Variants in SORBS2 observed in about 807,000 individuals in gnomAD.
The protein encoded by SORBS2 is sorbin and SH3 domain-containing protein 2.
A neutral mutation model predicts 97.7 loss-of-function variants in SORBS2; 46 were observed. That is an observed-to-expected ratio of 0.47 (90% confidence interval 0.37 to 0.60). The LOEUF is 0.60. Among genes scored for constraint, SORBS2 ranks in the 20% least tolerant of loss-of-function variants. The pLI, the probability that SORBS2 is intolerant of heterozygous loss-of-function variation, is 0.00. For missense variants in SORBS2, 1,316 were observed against 1,282.3 expected, an observed-to-expected ratio of 1.03 and a Z score of -0.40; for synonymous variants, 476 against 473.4, an observed-to-expected ratio of 1.01 and a Z score of -0.07.
intron 1 of SORBS2, among the ~76,000 whole-genome samples, chr4:185,779,976 G>A (rs2099019328): frequency 6.7e-6 from 1 of 148,472 alleles, no homozygotes; most frequent in Non-Finnish European, 1.5e-5. Flanking sequence ...CACATTGTAA[G>A]CAAAATGAAG....
intron 1 of SORBS2, among the ~76,000 whole-genome samples, chr4:185,873,881 CTAAA>C (rs911174305): frequency 2.0e-5 from 3 of 152,022 alleles, no homozygotes; most frequent in Non-Finnish European, 4.4e-5. Flanking sequence ...CCAATATAAA[CTAAA>C]TAATGTGATT....
intron 1 of SORBS2, chr4:185,656,479 C>T: frequency 2.5e-6 from 1 of 401,734 alleles, no homozygotes; most frequent in Non-Finnish European, 4.4e-6. Flanking sequence ...CCATTCTTTG[C>T]CTCTATCCCT....
In SORBS2 at chr4:185,606,642, G is replaced by A. The variant is rs1357969348; in HGVS notation, c.2796+5138C>T. ...CCTTGGGGGTCCTAGGATCTGTGGG[G>A]GTGGCTATGGGGTGTTTTAGGCAGT... On this transcript the variant is annotated intron_variant, in intron 12 of 14. Transcript: ENST00000418609. The surrounding 1 kb of genome is among the most constrained non-coding windows in gnomAD (Gnocchi z 4.3). The A allele has an allele frequency of 1.0e-6, 1 of 985,162 alleles. No individual in the cohort carries two copies. Among genetic ancestry groups the A allele is most frequent in the Non-Finnish European group, 1.2e-6 (1 of 829,860 alleles). The allele number at this position is 985,162 out of a possible 1,614,324, so 61.0% of individuals were successfully genotyped here.
chr4:185,871,473 C>T (rs937453653), intron 1 of SORBS2, among the ~76,000 whole-genome samples: 9 of 152,092 alleles, frequency 5.9e-5, no homozygotes, highest in South Asian at 2.1e-4. Flanking sequence ...TAATGCCTAG[C>T]GAAGGAATAA....
intron 1 of SORBS2, among the ~76,000 whole-genome samples, chr4:185,778,615 C>A (rs2099011967): frequency 6.6e-6 from 1 of 152,120 alleles, no homozygotes; most frequent in East Asian, 1.9e-4. Context: ...AGTACCCCGG[C>A]CCCGCCCCTA....
chr4:185,888,798 A>G (rs1464995438), intron 1 of SORBS2, among the ~76,000 whole-genome samples: 2 of 151,652 alleles, frequency 1.3e-5, no homozygotes, highest in Non-Finnish European at 2.9e-5. Flanking sequence ...CCTCCTCTGA[A>G]CACTCAACAC....
In SORBS2 at chr4:185,732,932, T is replaced by C. The variant is rs2098653719; in HGVS notation, c.-198+42295A>G. On this transcript the variant is annotated intron_variant, in intron 2 of 20. Coordinates refer to the SORBS2 transcript ENST00000284776. The stretch of plus-strand genomic sequence containing the variant: ...CCATAGAAAGAACATTGCGAGACAA[T>C]GCAGGCAGAGATGGGTGATGCTGCC... 1.3e-5 allele frequency among the ~76,000 whole-genome samples: 2 copies of C among 152,128 alleles called. 1 individual carries two copies. The highest frequency in any genetic ancestry group is 1.3e-4 in the Admixed American group (2 of 15,278).
intron 1 of SORBS2, among the ~76,000 whole-genome samples, chr4:185,909,621 G>T (rs1004368589): frequency 2.0e-5 from 3 of 152,046 alleles, no homozygotes; most frequent in Non-Finnish European, 4.4e-5. Flanking sequence ...CTTTATCATC[G>T]CATAAATGTA....
chr4:185,712,927 A>G (rs990620633), intron 2 of SORBS2, among the ~76,000 whole-genome samples: 1 of 152,078 alleles, frequency 6.6e-6, no homozygotes, highest in Non-Finnish European at 1.5e-5. Flanking sequence ...TCTGTTTACC[A>G]CCTAACACCT....
chr4:185,869,075 C>T (rs2099228939), intron 1 of SORBS2, among the ~76,000 whole-genome samples: 1 of 152,176 alleles, frequency 6.6e-6, no homozygotes, highest in Non-Finnish European at 1.5e-5. Context: ...AGAACTCTGC[C>T]TAGTGTGGAA....
chr4:185,948,482 A>G, intron 1 of SORBS2, among the ~76,000 whole-genome samples: 1 of 145,696 alleles, frequency 6.9e-6, no homozygotes, highest in Non-Finnish European at 1.5e-5. Flanking sequence ...AAGACAGTAC[A>G]TTGTGATTAG....
intron 1 of SORBS2, among the ~76,000 whole-genome samples, chr4:185,869,602 C>T (rs188169872): frequency 6.6e-6 from 1 of 152,254 alleles, no homozygotes; most frequent in Non-Finnish European, 1.5e-5. Flanking sequence ...CTCACTCATT[C>T]ACCAAGCTGG....
intron 2 of SORBS2, among the ~76,000 whole-genome samples, chr4:185,711,018 G>A (rs1033285347): frequency 6.6e-6 from 1 of 152,118 alleles, no homozygotes; most frequent in African/African-American, 2.4e-5. Flanking sequence ...TGCCCAGGCT[G>A]GAGTGCCGTG....
intron 2 of SORBS2, among the ~76,000 whole-genome samples, chr4:185,751,322 A>T (rs2098799225): frequency 6.6e-6 from 1 of 152,148 alleles, no homozygotes; most frequent in African/African-American, 2.4e-5. Context: ...GAGAATCAAG[A>T]GATGAGGAAG....
chr4:185,938,447 C>T (rs937022444), intron 1 of SORBS2, among the ~76,000 whole-genome samples: 20 of 147,460 alleles, frequency 1.4e-4, no homozygotes, highest in African/African-American at 5.0e-4. Flanking sequence ...TATTCTAGTT[C>T]CATGCTCTAA....
chr4:185,649,798 A>G (rs750079755), intron 2 of SORBS2, 142 bp from the exon 12 acceptor site: 2 of 440,140 alleles, frequency 4.5e-6, no homozygotes, highest in Non-Finnish European at 8.0e-6. Context: ...TGCATACATT[A>G]GAAGGTAGTT....
At chr4:185,703,833 AT>A (rs1303847281) in intron 2 of SORBS2, among the ~76,000 whole-genome samples, 2 of 152,210 alleles carry the variant, frequency 1.3e-5, no homozygotes, top group African/African-American at 4.8e-5. Context: ...TAATTGTATC[AT>A]TAACTTCAAA....
rs781222750 is a variant in SORBS2 at position 185,652,741 on chromosome 4, G to C, written c.25-13C>G. On this transcript the variant is annotated splice_polypyrimidine_tract_variant and intron_variant, in intron 1 of 14. Transcript: ENST00000418609. ...GCCGGTCGACTGTCTGTAATGAAGA[G>C]AGCGTCCAATGGTTACAAACTGGCT... 3.1e-6 allele frequency: 5 copies of C among 1,610,428 alleles called. No individual in the cohort carries two copies. Among genetic ancestry groups the C allele is most frequent in the Non-Finnish European group, 4.2e-6 (5 of 1,176,698 alleles).
chr4:185,884,888 T>C (rs911416147), intron 1 of SORBS2, among the ~76,000 whole-genome samples: 6 of 152,190 alleles, frequency 3.9e-5, no homozygotes, highest in Non-Finnish European at 8.8e-5. Context: ...GCAATGATTT[T>C]AGTAATCAAG....
Sources: gnomAD v4.1 joint callset for allele counts (sites outside exome capture counted in the v4.1 genomes callset) on GRCh38, gnomAD v4.1.1 for gene constraint, Gnocchi (gnomAD v3.1) non-coding constraint, MANE v1.5 for transcripts, NCBI Gene and HGNC (gene_info 2026-07-23, HGNC 2026-07-21) for gene names.